Variants in MIPOL1 observed in about 807,000 individuals in gnomAD.
The protein encoded by MIPOL1 is mirror-image polydactyly gene 1 protein.
In MIPOL1, 57 loss-of-function variants were observed where a neutral mutation model predicts 60.9. That is an observed-to-expected ratio of 0.94 (90% CI 0.76 to 1.17). The LOEUF (loss-of-function observed/expected upper bound fraction) is 1.17. MIPOL1 is among the 50% of genes most tolerant of loss of function. The pLI is 0.00. For synonymous variants in MIPOL1, 179 were observed against 168.8 expected, an observed-to-expected ratio of 1.06 and a Z score of -0.47; for missense variants, 551 against 511.6, an observed-to-expected ratio of 1.08 and a Z score of -0.74.
rs566006126 is a variant in MIPOL1, at chr14:37,460,372, A to G, written c.1031+37423A>G. On this transcript the variant is annotated intron_variant, in intron 11 of 12. Coordinates refer to ENST00000684589, the MANE Select transcript of MIPOL1 (RefSeq NM_001388067.1). ...CCTTGAAGGAGCATACCTCAAAATA[A>G]TAAGAGCCATATACAACAGACCCAC... Among the ~76,000 whole-genome samples the G allele has an allele frequency of 9.9e-5, 15 of 152,264 alleles. No homozygotes were observed. In the South Asian group the frequency reaches 3.1e-3, roughly 32 times the overall value.
At chr14:37,220,736 T>G (rs1278693042) in intron 1 of MIPOL1, among the ~76,000 whole-genome samples, 2 of 152,206 alleles carry the variant, frequency 1.3e-5, no homozygotes, top group East Asian at 3.9e-4. Context: ...GTAATTAATT[T>G]TCATCTTATT....
intron 9 of MIPOL1, among the ~76,000 whole-genome samples, chr14:37,316,422 T>C (rs2087901432): frequency 6.6e-6 from 1 of 151,950 alleles, no homozygotes; most frequent in Non-Finnish European, 1.5e-5. Flanking sequence ...ATGGATGATG[T>C]TGAGGGCTTT....
chr14:37,267,500 A>AAAAG (rs2082970343), intron 4 of MIPOL1, among the ~76,000 whole-genome samples: 1 of 151,356 alleles, frequency 6.6e-6, no homozygotes. Flanking sequence ...AAAAAAAAAA[A>AAAAG]AGAGAAAGTT....
rs965300350 is a variant in MIPOL1, at chr14:37,423,163, A to G, written c.1031+214A>G. On this transcript the variant is annotated intron_variant, in intron 11 of 12. Transcript: ENST00000684589. ...TGGTAAAGTTTAAATTTCCACTTTC[A>G]TTGTAACTGAAATTTACATAATCCA... is the stretch of plus-strand genomic sequence containing the variant. Among the ~76,000 whole-genome samples the G allele has an allele frequency of 4.0e-5, 6 of 151,826 alleles. 1 individual carries two copies. The highest frequency in any genetic ancestry group is 8.8e-5 in the Non-Finnish European group (6 of 67,872).
At chr14:37,381,925 G>A (rs2092936085) in intron 10 of MIPOL1, among the ~76,000 whole-genome samples, 1 of 151,850 alleles carries the variant, frequency 6.6e-6, no homozygotes, top group Non-Finnish European at 1.5e-5. Flanking sequence ...TTGAAAACTT[G>A]CCTAGTGTAG....
intron 12 of MIPOL1, among the ~76,000 whole-genome samples, chr14:37,538,486 T>C (rs759467147): frequency 3.9e-5 from 6 of 152,150 alleles, no homozygotes; most frequent in African/African-American, 1.2e-4. Context: ...AAATTCAGGA[T>C]GCCAAAAGAT....
chr14:37,370,354 G>A (rs1189424842), intron 10 of MIPOL1, among the ~76,000 whole-genome samples: 2 of 151,916 alleles, frequency 1.3e-5, no homozygotes, highest in Non-Finnish European at 2.9e-5. Flanking sequence ...TACCCTCAAG[G>A]TGCTTGCATT....
rs113580080 is a variant in MIPOL1 at position 37,460,522 on chromosome 14, G to C, written c.1031+37573G>C. ...AATTCTAGCCAAAGCAATCAGGCAAGAGAAAGAAATAGAAGGCATCCAAAT... is the reference window on the plus strand; with the variant it reads ...AATTCTAGCCAAAGCAATCAGGCAACAGAAAGAAATAGAAGGCATCCAAAT... On this transcript the variant is annotated intron_variant, in intron 11 of 12. Coordinates refer to ENST00000684589, the MANE Select transcript of MIPOL1 (RefSeq NM_001388067.1). Among the ~76,000 whole-genome samples the C allele has an allele frequency of 6.6e-4, 101 of 152,192 alleles. 1 individual carries two copies. Among genetic ancestry groups the C allele is most frequent in the African/African-American group, 2.4e-3 (99 of 41,512 alleles).
chr14:37,254,293 A>G (rs1174766673), intron 3 of MIPOL1, among the ~76,000 whole-genome samples: 1 of 151,860 alleles, frequency 6.6e-6, no homozygotes, highest in Non-Finnish European at 1.5e-5. Flanking sequence ...TGGACTGAGT[A>G]GAAAAATGGA....
intron 10 of MIPOL1, among the ~76,000 whole-genome samples, chr14:37,380,087 CAA>C (rs1294980251): frequency 6.6e-6 from 1 of 151,970 alleles, no homozygotes; most frequent in Admixed American, 6.6e-5. Context: ...AATGCTAAAC[CAA>C]ATGATCATGA....
chr14:37,477,421 T>C (rs2094794267), intron 11 of MIPOL1, among the ~76,000 whole-genome samples: 1 of 152,178 alleles, frequency 6.6e-6, no homozygotes, highest in Admixed American at 6.5e-5. Flanking sequence ...TTCGAATTAT[T>C]TATTTCTCCT....
At chr14:37,494,673 C>G (rs2095093090) in intron 11 of MIPOL1, among the ~76,000 whole-genome samples, 1 of 152,078 alleles carries the variant, frequency 6.6e-6, no homozygotes. Context: ...ATCTCTGTTT[C>G]CATTTGTATC....
intron 9 of MIPOL1, among the ~76,000 whole-genome samples, chr14:37,325,651 TCTCATTTA>T (rs1268979425): frequency 1.3e-5 from 2 of 152,078 alleles, no homozygotes; most frequent in East Asian, 3.9e-4. Flanking sequence ...TGAATTCAGT[TCTCATTTA>T]TATGAATGTC....
At position 37,532,826 on chromosome 14, in the gene MIPOL1, A is replaced by G. The variant is rs2095487682; in HGVS notation, c.1263-14079A>G. On this transcript the variant is annotated intron_variant, in intron 12 of 12. Transcript: ENST00000684589. ...AATATGTGCTTATTAGCTTATGTATATATATGATGCTAGTAACATATTAAT... is the reference window on the plus strand; with the variant it reads ...AATATGTGCTTATTAGCTTATGTATGTATATGATGCTAGTAACATATTAAT... 2.0e-5 allele frequency among the ~76,000 whole-genome samples: 3 copies of G among 152,174 alleles called. No homozygotes were observed. The South Asian group carries it at 6.2e-4, about 31-fold the overall frequency.
At chr14:37,234,861 C>T (rs891926410) in intron 1 of MIPOL1, among the ~76,000 whole-genome samples, 1 of 151,912 alleles carries the variant, frequency 6.6e-6, no homozygotes, top group East Asian at 1.9e-4. Context: ...ATGCAAACTC[C>T]GCCTCATGGG....
At chr14:37,474,445 G>A (rs1461277704) in intron 11 of MIPOL1, among the ~76,000 whole-genome samples, 2 of 152,128 alleles carry the variant, frequency 1.3e-5, no homozygotes, top group East Asian at 3.9e-4. Flanking sequence ...TCTCGTGATA[G>A]TGAATAAGTC....
At chr14:37,491,289 G>A (rs923911926) in intron 11 of MIPOL1, among the ~76,000 whole-genome samples, 1 of 152,182 alleles carries the variant, frequency 6.6e-6, no homozygotes, top group Non-Finnish European at 1.5e-5. Context: ...AGCACTTTGA[G>A]AGGCCGAGGT....
intron 3 of MIPOL1, among the ~76,000 whole-genome samples, chr14:37,255,481 T>A (rs369026129): frequency 6.6e-6 from 1 of 151,870 alleles, no homozygotes; most frequent in Admixed American, 6.6e-5. Flanking sequence ...ACTCTTTGGA[T>A]GTAAATAAAT....
intron 3 of MIPOL1, among the ~76,000 whole-genome samples, chr14:37,253,234 A>G (rs1974391690): frequency 6.6e-6 from 1 of 151,866 alleles, no homozygotes. Flanking sequence ...GAAAGAACAC[A>G]GGTTTGGAGC....
Sources: gnomAD v4.1 joint callset for allele counts (sites outside exome capture counted in the v4.1 genomes callset) on GRCh38, gnomAD v4.1.1 for gene constraint, MANE v1.5 for transcripts, NCBI Gene and HGNC (gene_info 2026-07-23, HGNC 2026-07-21) for gene names.